The following CDH2 variants were observed in gnomAD, a reference collection of about 807,000 sequenced individuals.
CDH2 encodes the protein cadherin 2.
CDH2 carries 17 observed loss-of-function variants against 92.0 expected under a neutral mutation model. The observed-to-expected ratio is 0.18, with a 90% CI of 0.13 to 0.28. The LOEUF (loss-of-function observed/expected upper bound fraction) is 0.28, where lower values mean the gene tolerates loss of function less well. Among genes scored for constraint, CDH2 ranks in the 10% least tolerant of loss-of-function variants. CDH2 has a pLI of 1.00. For missense variants in CDH2, 862 were observed against 1,133.1 expected (o/e 0.76, Z 3.44); for synonymous variants, 419 against 415.9 (o/e 1.01, Z -0.09).
At chr18:28,155,785 A>G (rs550092152) in intron 1 of CDH2, among the ~76,000 whole-genome samples, 7 of 152,336 alleles carry the variant, frequency 4.6e-5, no homozygotes, top group African/African-American at 1.7e-4. Flanking sequence ...TTCTCACCAT[A>G]CAATTACAGT....
chr18:28,136,138 T>C (rs990849606), intron 2 of CDH2, among the ~76,000 whole-genome samples: 1 of 152,176 alleles, frequency 6.6e-6, no homozygotes, highest in Admixed American at 6.5e-5. Flanking sequence ...AAAGTAATAA[T>C]GAACTGGCCC....
At chr18:28,055,191 T>G (rs1238579507) in intron 2 of CDH2, among the ~76,000 whole-genome samples, 1 of 152,082 alleles carries the variant, frequency 6.6e-6, no homozygotes, top group Non-Finnish European at 1.5e-5. Flanking sequence ...CAAAAGGGGT[T>G]TCCCCTTACA....
chr18:28,103,501 A>C (rs537249420), intron 2 of CDH2, among the ~76,000 whole-genome samples: 1 of 150,478 alleles, frequency 6.6e-6, no homozygotes, highest in African/African-American at 2.4e-5. Flanking sequence ...ACACACACAT[A>C]TATACACACA....
At chr18:28,117,797 G>A (rs903522194) in intron 2 of CDH2, among the ~76,000 whole-genome samples, 3 of 151,986 alleles carry the variant, frequency 2.0e-5, no homozygotes, top group Non-Finnish European at 2.9e-5. Context: ...CCCAGAGGTC[G>A]TACACACCAG....
In CDH2 at chr18:28,155,271, G is replaced by GTAA. The variant is rs150527560; in HGVS notation, c.61-7490_61-7488dup. On this transcript the variant is annotated intron_variant, in intron 1 of 15. Transcript: ENST00000269141. ...CATCTGTGCTTCAGCTTCCTCCTCT[G>GTAA]TAATAATAATAATAATAGCTAAAGT... Among the ~76,000 whole-genome samples the GTAA allele has an allele frequency of 4.6e-5, 7 of 151,634 alleles. No homozygotes were observed. The East Asian group carries it at 7.7e-4, about 17-fold the overall frequency.
At chr18:28,056,680 C>G (rs979172787) in intron 2 of CDH2, among the ~76,000 whole-genome samples, 7 of 152,110 alleles carry the variant, frequency 4.6e-5, no homozygotes, top group African/African-American at 1.4e-4. Flanking sequence ...AAAGGAAATT[C>G]TAACAAACTT....
chr18:28,052,156 C>T (rs1273384876), intron 2 of CDH2, among the ~76,000 whole-genome samples: 1 of 152,032 alleles, frequency 6.6e-6, no homozygotes, highest in Non-Finnish European at 1.5e-5. Flanking sequence ...CTTTGTATTT[C>T]CCAGCTCTAG....
intron 2 of CDH2, among the ~76,000 whole-genome samples, chr18:28,056,097 AAG>A (rs1030800259): frequency 4.6e-5 from 7 of 152,150 alleles, no homozygotes; most frequent in African/African-American, 1.7e-4. Flanking sequence ...TTAAGAGAAA[AAG>A]AGTAATTTTT....
chr18:27,973,847 T>C (rs2011738903), intron 14 of CDH2, among the ~76,000 whole-genome samples: 1 of 152,094 alleles, frequency 6.6e-6, no homozygotes, highest in African/African-American at 2.4e-5. Flanking sequence ...ATTGCATGGA[T>C]TTAAGGGTAG....
intron 15 of CDH2, among the ~76,000 whole-genome samples, chr18:27,955,642 A>G (rs997764405): frequency 1.3e-5 from 2 of 151,944 alleles, no homozygotes; most frequent in Non-Finnish European, 2.9e-5. Context: ...TGCTTGTGAT[A>G]ATCAACTCCC....
chr18:27,980,740 A>T (rs1469644263), intron 14 of CDH2, among the ~76,000 whole-genome samples: 7 of 148,008 alleles, frequency 4.7e-5, no homozygotes, highest in African/African-American at 1.8e-4. Context: ...AAATCTTTGG[A>T]CTCGTGGGGA....
intron 14 of CDH2, among the ~76,000 whole-genome samples, chr18:27,977,083 C>G (rs1444137774): frequency 3.3e-5 from 5 of 152,116 alleles, no homozygotes; most frequent in Non-Finnish European, 7.3e-5. Flanking sequence ...ATTAAACATG[C>G]CTTACTAACC....
intron 2 of CDH2, among the ~76,000 whole-genome samples, chr18:28,055,845 C>T (rs1437768014): frequency 6.6e-6 from 1 of 151,950 alleles, no homozygotes; most frequent in African/African-American, 2.4e-5. Context: ...GGGGAAGCCC[C>T]ATATGTTGTT....
chr18:28,176,924 AC>A, intron 1 of CDH2, 38 bp downstream of exon 1: 1 of 829,008 alleles, frequency 1.2e-6, no homozygotes, highest in Non-Finnish European at 1.6e-6. Flanking sequence ...CGCCCGCCCC[AC>A]CCCGCCCGTG....
downstream of CDH2, among the ~76,000 whole-genome samples, chr18:27,949,800 GTTGT>G (rs902800782): frequency 3.3e-5 from 5 of 151,718 alleles, no homozygotes; most frequent in East Asian, 3.9e-4. Context: ...AAAGAAAATA[GTTGT>G]TTATTATGCC....
intron 2 of CDH2, among the ~76,000 whole-genome samples, chr18:28,044,420 C>G (rs1402958933): frequency 6.6e-6 from 1 of 152,096 alleles, no homozygotes. Flanking sequence ...TACTTCCATC[C>G]AAAAGAATAC....
intron 2 of CDH2, among the ~76,000 whole-genome samples, chr18:28,101,120 A>G (rs1599100999): frequency 6.6e-6 from 1 of 152,230 alleles, no homozygotes; most frequent in East Asian, 1.9e-4. Flanking sequence ...CACGTAAAAC[A>G]TAAAATTTTA....
chr18:28,009,729 T>G lies in CDH2; in HGVS notation c.690A>C (p.Ile230=), dbSNP rs771009222. The G allele has an allele frequency of 6.2e-7, 1 of 1,613,858 alleles. No individual in the cohort carries two copies. The highest frequency in any genetic ancestry group is 1.3e-5 in the African/African-American group (1 of 75,024). Reference sequence around the variant, plus strand: ...GTTGGAATCTTACATGAAACCGGGCTATCTGCTCGCGATCCAGGGGCTTTG... The same window carrying G: ...GTTGGAATCTTACATGAAACCGGGCGATCTGCTCGCGATCCAGGGGCTTTG... ...SVTKPLDREQ[I]ARFHLRAHAV... Residue 230 remains isoleucine, a synonymous_variant, in exon 5 of 16, where the codon ATA becomes ATC. Coordinates refer to ENST00000269141, the MANE Select transcript of CDH2 (RefSeq NM_001792.5).
At chr18:27,957,563 T>C (rs2011283800) in intron 15 of CDH2, among the ~76,000 whole-genome samples, 1 of 152,170 alleles carries the variant, frequency 6.6e-6, no homozygotes, top group African/African-American at 2.4e-5. Context: ...CATCTACTTT[T>C]ATCATCTTGT....
Sources: gnomAD v4.1 joint callset for allele counts (sites outside exome capture counted in the v4.1 genomes callset) on GRCh38, gnomAD v4.1.1 for gene constraint, MANE v1.5 for transcripts, NCBI Gene and HGNC (gene_info 2026-07-23, HGNC 2026-07-21) for gene names.